DDX4: variants seen among roughly 807,000 people sequenced by gnomAD.
DDX4 encodes DEAD-box helicase 4, also known as probable ATP-dependent RNA helicase DDX4.
A neutral mutation model predicts 100.0 loss-of-function variants in DDX4; 25 were observed. The ratio of observed to expected loss-of-function variants is 0.25; its 90% confidence interval spans 0.18 to 0.35. The LOEUF (loss-of-function observed/expected upper bound fraction) is 0.35. Ranked by LOEUF, DDX4 falls within the 10% of genes least tolerant of loss-of-function variation. The probability of loss-of-function intolerance (pLI) is 1.00; values close to 1 mark genes in which losing one functional copy is unlikely to be tolerated. For missense variants in DDX4, 635 were observed against 882.4 expected (o/e 0.72, Z 3.55); for synonymous variants, 259 against 275.7 (o/e 0.94, Z 0.60).
Position 55,815,397 on chromosome 5 carries a change from G to GT in DDX4, c.2072dup (p.Phe692ValfsTer5). On this transcript the variant is annotated frameshift_variant, in exon 21 of 22. Transcript: ENST00000505374. LOFTEE classifies it high-confidence loss of function. ...CTTCAGTGGTAGTACAAGAGGAAACGTGTTTGCATCAGTTGATACCAGAAA... is the reference window on the plus strand; with the variant it reads ...CTTCAGTGGTAGTACAAGAGGAAACGTTGTTTGCATCAGTTGATACCAGAAA... The GT allele has an allele frequency of 6.2e-7, 1 of 1,613,084 alleles. No individual in the cohort carries two copies.
At chr5:55,769,869 C>CTTTTTT (rs113402904) in intron 7 of DDX4, among the ~76,000 whole-genome samples, 1 of 141,424 alleles carries the variant, frequency 7.1e-6, no homozygotes. Context: ...CCTTCTTTTA[C>CTTTTTT]TTTTTTTTTT....
At chr5:55,785,590 GA>G in intron 12 of DDX4, 96 bp downstream of exon 12, 1 of 1,317,492 alleles carries the variant, frequency 7.6e-7, no homozygotes, top group South Asian at 1.4e-5. Context: ...TTAAAAATTT[GA>G]ACAGTGAAAA....
At chr5:55,803,236 A>G (rs1276214443) in intron 18 of DDX4, among the ~76,000 whole-genome samples, 1 of 151,370 alleles carries the variant, frequency 6.6e-6, no homozygotes, top group African/African-American at 2.4e-5. Flanking sequence ...GCTGAGAATG[A>G]TGGTTTCCAG....
chr5:55,809,471 G>A (rs1256301393), intron 18 of DDX4, among the ~76,000 whole-genome samples: 1 of 152,084 alleles, frequency 6.6e-6, no homozygotes, highest in East Asian at 1.9e-4. Context: ...CCCTGATTAA[G>A]CTTATTTTCA....
At chr5:55,798,832 A>G (rs535265948) in intron 18 of DDX4, among the ~76,000 whole-genome samples, 1 of 152,246 alleles carries the variant, frequency 6.6e-6, no homozygotes, top group South Asian at 2.1e-4. Context: ...AAATGTATCT[A>G]TTTTTTGTTT....
chr5:55,791,324 C>T (rs2112051011), intron 16 of DDX4, among the ~76,000 whole-genome samples: 1 of 152,264 alleles, frequency 6.6e-6, no homozygotes, highest in East Asian at 1.9e-4. Flanking sequence ...AGTTAAGAGT[C>T]ATTTTCATCC....
rs182066631 is a variant in DDX4 at position 55,769,883 on chromosome 5, T to G, written c.394+1943T>G. On this transcript the variant is annotated intron_variant, in intron 7 of 21. Transcript: ENST00000505374. ...GCCTTCTTTTACTTTTTTTTTTTTT[T>G]TGAGATGGAGTCTCACTCTGTCACC... is the stretch of plus-strand genomic sequence containing the variant. Among the ~76,000 whole-genome samples the G allele has an allele frequency of 3.0e-3, 462 of 151,952 alleles. 9 individuals carry two copies. Among genetic ancestry groups the G allele is most frequent in the Non-Finnish European group, 1.0e-3 (68 of 67,920 alleles).
Position 55,815,065 on chromosome 5 carries a change from G to A in DDX4, c.1880G>A (p.Arg627Gln). The A allele has an allele frequency of 6.2e-7, 1 of 1,613,840 alleles. No homozygotes were observed. The highest frequency in any genetic ancestry group is 8.5e-7 in the Non-Finnish European group (1 of 1,179,752). The change falls in exon 20 of 22, where the codon CGA becomes CAA. Residue 627 changes from arginine (R) to glutamine (Q), a missense_variant. Physicochemically the swap from Arg to Gln is conservative, Grantham distance 43 (BLOSUM62 1). Around this residue, in one of 4 missense-constraint regions of DDX4, gnomAD observed 115 missense variants for 224.7 expected, o/e 0.51. Coordinates refer to ENST00000505374, the MANE Select transcript of DDX4 (RefSeq NM_024415.3). ...TCTACCATTGATGAATATGTTCATCGAATTGGGCGTACTGGTCGTTGTGGG... is the reference window on the plus strand; with the variant it reads ...TCTACCATTGATGAATATGTTCATCAAATTGGGCGTACTGGTCGTTGTGGG... ...LPSTIDEYVHRIGRTGRCGNT... is the reference protein window; with the variant it reads ...LPSTIDEYVHQIGRTGRCGNT...
intron 3 of DDX4, among the ~76,000 whole-genome samples, chr5:55,756,600 C>T (rs1254066627): frequency 6.6e-6 from 1 of 152,096 alleles, no homozygotes; most frequent in Admixed American, 6.6e-5. Flanking sequence ...AAGTCTCATA[C>T]ATAATTGGGT....
At chr5:55,781,771 GA>G (rs200213654) in intron 9 of DDX4, among the ~76,000 whole-genome samples, 162 bp from the exon 10 acceptor site, 4,612 of 108,012 alleles carry the variant, frequency 0.043, 88 homozygotes, top group South Asian at 0.074. Context: ...AGTGAGACTT[GA>G]AAAAAAAAAA....
intron 17 of DDX4, among the ~76,000 whole-genome samples, chr5:55,793,335 A>C (rs1481399517): frequency 2.6e-5 from 4 of 151,418 alleles, no homozygotes; most frequent in Middle Eastern, 3.4e-3. Context: ...AAGGAGCCAG[A>C]AGTGCCCAGG....
At chr5:55,740,390 C>T (rs774554481) in intron 2 of DDX4, among the ~76,000 whole-genome samples, 1 of 151,944 alleles carries the variant, frequency 6.6e-6, no homozygotes, top group Non-Finnish European at 1.5e-5. Context: ...TGGTCTTGAA[C>T]TCCTGATCTC....
chr5:55,773,637 A>AT (rs944338418), intron 7 of DDX4, among the ~76,000 whole-genome samples: 10 of 150,548 alleles, frequency 6.6e-5, no homozygotes, highest in African/African-American at 2.2e-4. Context: ...TTGTTTTTTT[A>AT]TTTTTTTGAG....
Position 55,815,397 on chromosome 5 carries a change from G to A in DDX4, c.2071G>A (p.Val691Met), listed in dbSNP as rs770112379. The stretch of plus-strand genomic sequence containing the variant: ...CTTCAGTGGTAGTACAAGAGGAAAC[G>A]TGTTTGCATCAGTTGATACCAGAAA... ...PGFSGSTRGN[V>M]FASVDTRKGK... The change falls in exon 21 of 22, where the codon GTG becomes ATG. Residue 691 changes from valine (V) to methionine (M), a missense_variant. This residue lies in a region of DDX4 where 73 missense variants were observed against 98.5 expected (regional missense o/e 0.74). Coordinates refer to ENST00000505374, the MANE Select transcript of DDX4 (RefSeq NM_024415.3). The A allele has an allele frequency of 9.3e-6, 15 of 1,612,966 alleles. No homozygotes were observed. The highest frequency in any genetic ancestry group is 1.3e-5 in the Non-Finnish European group (15 of 1,179,786).
At chr5:55,790,754 G>A in intron 16 of DDX4, 49 bp downstream of exon 16, 1 of 1,571,082 alleles carries the variant, frequency 6.4e-7, no homozygotes, top group South Asian at 1.1e-5. Context: ...CTTTTTGTTT[G>A]GTATGGGAAA....
chr5:55,798,439 T>A lies in DDX4; in HGVS notation c.1483T>A (p.Phe495Ile), dbSNP rs761328689. The A allele has an allele frequency of 6.2e-7, 1 of 1,611,136 alleles. No homozygotes were observed. Among genetic ancestry groups the A allele is most frequent in the Non-Finnish European group, 8.5e-7 (1 of 1,178,728 alleles). ...TTGTTTTTCAAGGTTGGCTGCAGAG[T>A]TTTTAAAGTCAAATTATCTGTTTGT... is the stretch of plus-strand genomic sequence containing the variant. ...PEEIQRLAAE[F>I]LKSNYLFVAV... Residue 495 changes from phenylalanine to isoleucine, a missense_variant, in exon 18 of 22, where the codon TTT becomes ATT. Phe to Ile is a conservative substitution (Grantham distance 21). Around this residue, in one of 4 missense-constraint regions of DDX4, gnomAD observed 115 missense variants for 224.7 expected, o/e 0.51. Coordinates refer to ENST00000505374, the MANE Select transcript of DDX4 (RefSeq NM_024415.3).
chr5:55,781,103 T>C lies in DDX4; in HGVS notation c.534T>C (p.Thr178=), dbSNP rs149297913. 274 of 1,612,992 alleles carry C rather than the reference T, an allele frequency of 1.7e-4. 1 individual carries two copies. The African/African-American group carries it at 3.0e-3, about 18-fold the overall frequency. The change falls in exon 9 of 22, where the codon ACT becomes ACC. Residue 178 remains threonine, a synonymous_variant. Coordinates refer to ENST00000505374, the MANE Select transcript of DDX4 (RefSeq NM_024415.3). The stretch of plus-strand genomic sequence containing the variant: ...ACCCAGACGAATGTATGCAGCGCAC[T>C]GGTGGCCTTTTTGGTTCTAGAAGAC... ...DLDPDECMQR[T]GGLFGSRRPV... is the part of the protein sequence containing the mutation.
At position 55,799,242 on chromosome 5, in the gene DDX4, A is replaced by G. The variant is rs551849533; in HGVS notation, c.1615+671A>G. On this transcript the variant is annotated intron_variant, in intron 18 of 21. Coordinates refer to ENST00000505374, the MANE Select transcript of DDX4 (RefSeq NM_024415.3). The stretch of plus-strand genomic sequence containing the variant: ...GCTACCATGCCTAGCTAATTCTATT[A>G]TTTTTTGTAGAGATAGGGGTCTCAC... Among the ~76,000 whole-genome samples, 35 of 152,020 alleles carry G rather than the reference A, an allele frequency of 2.3e-4. 1 individual carries two copies. Among genetic ancestry groups the G allele is most frequent in the African/African-American group, 8.2e-4 (34 of 41,448 alleles).
chr5:55,812,157 A>C (rs1744157225), intron 18 of DDX4, among the ~76,000 whole-genome samples: 1 of 152,190 alleles, frequency 6.6e-6, no homozygotes, highest in Non-Finnish European at 1.5e-5. Context: ...CAATTTCTTT[A>C]CTTTCTGAGA....
Sources: allele counts gnomAD v4.1 joint callset (sites outside exome capture counted in the v4.1 genomes callset), GRCh38; gene constraint gnomAD v4.1.1; regional missense constraint gnomAD v4.1.1; transcripts MANE v1.5; gene names NCBI Gene and HGNC (gene_info 2026-07-23, HGNC 2026-07-21).